The following SERAC1 variants were observed in gnomAD, a reference collection of about 807,000 sequenced individuals.
The protein encoded by SERAC1 is protein SERAC1.
In SERAC1, 36 loss-of-function variants were observed where a neutral mutation model predicts 85.7. The ratio of observed to expected loss-of-function variants is 0.42; its 90% CI spans 0.32 to 0.55. The LOEUF (loss-of-function observed/expected upper bound fraction) is 0.55. Among genes scored for constraint, SERAC1 ranks in the 20% least tolerant of loss-of-function variants. The pLI is 0.11. For synonymous variants in SERAC1, 242 were observed against 265.3 expected, an observed-to-expected ratio of 0.91 and a Z score of 0.85; for missense variants, 629 against 796.2, an observed-to-expected ratio of 0.79 and a Z score of 2.53.
intron 8 of SERAC1, among the ~76,000 whole-genome samples, chr6:158,142,317 T>C (rs1784936780): frequency 6.6e-6 from 1 of 151,268 alleles, no homozygotes; most frequent in Non-Finnish European, 1.5e-5. Context: ...CATGCTACCA[T>C]GTCCAGCTAA....
At chr6:158,163,123 G>A (rs1016871820) in intron 1 of SERAC1, among the ~76,000 whole-genome samples, 1 of 152,152 alleles carries the variant, frequency 6.6e-6, no homozygotes. Flanking sequence ...CTGACAGCCA[G>A]CAACAGCCGC....
In SERAC1 at chr6:158,120,415, G is replaced by T. The variant is rs1442637761; in HGVS notation, c.1166+10C>A. Reference sequence around the variant, plus strand: ...AAAGGGGACAAAGCAACTCTCTTCTGCTTCCTTACCTTGTTCGATATTGGG... The same window carrying T: ...AAAGGGGACAAAGCAACTCTCTTCTTCTTCCTTACCTTGTTCGATATTGGG... On this transcript the variant is annotated intron_variant, in intron 11 of 16. Transcript: ENST00000647468. This position sits in a 1 kb window ranked among gnomAD's most constrained non-coding sequence, Gnocchi z 4.4. The T allele has an allele frequency of 6.2e-7, 1 of 1,606,318 alleles. No homozygotes were observed. The highest frequency in any genetic ancestry group is 8.5e-7 in the Non-Finnish European group (1 of 1,175,316).
intron 10 of SERAC1, among the ~76,000 whole-genome samples, chr6:158,126,601 TG>T (rs1390271465): frequency 1.3e-5 from 2 of 152,112 alleles, no homozygotes; most frequent in African/African-American, 4.8e-5. Context: ...AAAACCATTA[TG>T]GTAAAGACTA....
intron 10 of SERAC1, among the ~76,000 whole-genome samples, chr6:158,126,139 T>C (rs1467595044): frequency 6.6e-6 from 1 of 152,176 alleles, no homozygotes; most frequent in Non-Finnish European, 1.5e-5. Flanking sequence ...TATATATATA[T>C]GTGTGTATGT....
At chr6:158,149,042 T>C in intron 4 of SERAC1, 88 bp from the exon 5 acceptor site, 1 of 931,226 alleles carries the variant, frequency 1.1e-6, no homozygotes. Flanking sequence ...CAGGTTGGAG[T>C]GCAGTGGCAC....
In SERAC1 at chr6:158,111,361, A is replaced by G; in HGVS notation, c.*5T>C. 1 of 1,579,306 alleles carries G rather than the reference A, an allele frequency of 6.3e-7. No individual in the cohort carries two copies. The highest frequency in any genetic ancestry group is 8.6e-7 in the Non-Finnish European group (1 of 1,168,518). ...TCACATATGAAAACTGGAAGAGCAC[A>G]ACTGTTAGTTTTCAAGGTCTTTGGC... On this transcript the variant is annotated 3_prime_UTR_variant, in exon 17 of 17. Transcript: ENST00000647468.
intron 1 of SERAC1, among the ~76,000 whole-genome samples, chr6:158,164,145 T>G (rs1433759728): frequency 6.6e-6 from 1 of 152,012 alleles, no homozygotes; most frequent in Non-Finnish European, 1.5e-5. Context: ...CCACATAATT[T>G]TAGAGTCTGC....
At chr6:158,140,540 C>G (rs542639290) in intron 8 of SERAC1, among the ~76,000 whole-genome samples, 44 of 152,310 alleles carry the variant, frequency 2.9e-4, no homozygotes, top group Non-Finnish European at 5.3e-4. Context: ...TCTGTCATAT[C>G]CTTTATAATA....
intron 3 of SERAC1, among the ~76,000 whole-genome samples, chr6:158,154,484 C>T (rs1056811180): frequency 1.3e-5 from 2 of 152,110 alleles, no homozygotes; most frequent in East Asian, 3.8e-4. Flanking sequence ...AAATATATCT[C>T]TTTTATCATT....
At chr6:158,148,731 C>G (rs1785130144) in intron 5 of SERAC1, 134 bp downstream of exon 5, 3 of 607,210 alleles carry the variant, frequency 4.9e-6, no homozygotes, top group African/African-American at 1.9e-5. Flanking sequence ...GCGTGAGCCA[C>G]CATACCTGGC....
At chr6:158,160,032 T>C (rs1176569440) in intron 1 of SERAC1, among the ~76,000 whole-genome samples, 1 of 152,246 alleles carries the variant, frequency 6.6e-6, no homozygotes, top group Non-Finnish European at 1.5e-5. Flanking sequence ...GAGCAGAATA[T>C]ATCCATTATA....
At position 158,110,996 on chromosome 6, in the gene SERAC1, G is replaced by A. The variant is rs893853840; in HGVS notation, c.*370C>T. On this transcript the variant is annotated 3_prime_UTR_variant, in exon 17 of 17. Coordinates refer to ENST00000647468, the MANE Select transcript of SERAC1 (RefSeq NM_032861.4). The stretch of plus-strand genomic sequence containing the variant: ...TCTCTTAATGGCATTTTTATGGTAA[G>A]TTGAGTTACCTCAGAACCTGCCGTG... 11 of 158,988 alleles carry A rather than the reference G, an allele frequency of 6.9e-5. No homozygotes were observed. Among genetic ancestry groups the A allele is most frequent in the Non-Finnish European group, 1.4e-4 (10 of 72,710 alleles). The allele number at this position is 158,988 out of a possible 1,614,324, so 9.8% of individuals were successfully genotyped here. A position where few individuals can be genotyped will look rare whatever the true frequency, so the allele number is the denominator to read the frequency against.
At chr6:158,146,750 A>C (rs1369635628) in intron 6 of SERAC1, 32 bp downstream of exon 6, 1 of 1,611,070 alleles carries the variant, frequency 6.2e-7, no homozygotes, top group South Asian at 1.1e-5. Context: ...AGCCAGCTGA[A>C]GGCATGCCAC....
chr6:158,131,462 T>C (rs1419728091), intron 8 of SERAC1, among the ~76,000 whole-genome samples: 2 of 103,056 alleles, frequency 1.9e-5, no homozygotes, highest in Non-Finnish European at 4.1e-5. Context: ...TCATTATATA[T>C]AAAATACATA....
chr6:158,125,688 A>C (rs1278496382), intron 10 of SERAC1, among the ~76,000 whole-genome samples: 1 of 152,120 alleles, frequency 6.6e-6, no homozygotes, highest in Non-Finnish European at 1.5e-5. Context: ...ACACAGCAAG[A>C]CCCTGTCTCA....
At position 158,119,546 on chromosome 6, in the gene SERAC1, C is replaced by G. The variant is rs1396279967; in HGVS notation, c.1167-376G>C. ...AAATTAAAGAAGAACGTGCTAATAA[C>G]AGTTTCAAAGTCAGTATATATAAAA... On this transcript the variant is annotated intron_variant, in intron 11 of 16. Coordinates refer to ENST00000647468, the MANE Select transcript of SERAC1 (RefSeq NM_032861.4). This position sits in a 1 kb window ranked among gnomAD's most constrained non-coding sequence, Gnocchi z 4.5. 1.3e-5 allele frequency among the ~76,000 whole-genome samples: 2 copies of G among 152,140 alleles called. No individual in the cohort carries two copies. The highest frequency in any genetic ancestry group is 4.8e-5 in the African/African-American group (2 of 41,428).
chr6:158,154,188 C>T (rs558642456), intron 3 of SERAC1, among the ~76,000 whole-genome samples: 9 of 145,742 alleles, frequency 6.2e-5, no homozygotes, highest in African/African-American at 2.3e-4. Flanking sequence ...AAAGAATCCT[C>T]TGCTCTCTTC....
intron 8 of SERAC1, among the ~76,000 whole-genome samples, chr6:158,139,353 A>G (rs1254307347): frequency 6.6e-6 from 1 of 152,242 alleles, no homozygotes; most frequent in Non-Finnish European, 1.5e-5. Flanking sequence ...CAATTCATCA[A>G]TATAAAGAAT....
chr6:158,118,953 AAAAC>A, intron 12 of SERAC1, 72 bp downstream of exon 12: 1 of 1,530,998 alleles, frequency 6.5e-7, no homozygotes, highest in Admixed American at 2.2e-5. Flanking sequence ...AACAAAGAGA[AAAAC>A]AAGCAAGCCA....
Sources: allele counts gnomAD v4.1 joint callset (sites outside exome capture counted in the v4.1 genomes callset), GRCh38; gene constraint gnomAD v4.1.1; non-coding constraint Gnocchi (gnomAD v3.1); transcripts MANE v1.5; gene names NCBI Gene and HGNC (gene_info 2026-07-23, HGNC 2026-07-21).